ATP10B: variants seen among roughly 807,000 people sequenced by gnomAD.
ATP10B encodes ATPase phospholipid transporting 10B (putative).
Under a neutral mutation model 141.2 loss-of-function variants are expected in ATP10B, and 122 were observed. The observed-to-expected ratio is 0.86, with a 90% CI of 0.75 to 1.00. The LOEUF is 1.00. Ranked by LOEUF, ATP10B falls within the 50% of genes least tolerant of loss-of-function variation. The pLI is 0.00. For synonymous variants in ATP10B, 685 were observed against 692.0 expected (o/e 0.99, Z 0.16); for missense variants, 1,876 against 1,825.3 (o/e 1.03, Z -0.51).
upstream of ATP10B, among the ~76,000 whole-genome samples, chr5:160,856,282 T>G (rs62392648): frequency 0.44 from 66,268 of 151,592 alleles, 16,268 homozygotes; most frequent in Non-Finnish European, 0.54. Context: ...ATATGAGTCC[T>G]GTACACATTT....
chr5:160,730,928 C>T (rs1028408512), intron 2 of ATP10B, among the ~76,000 whole-genome samples: 3 of 152,136 alleles, frequency 2.0e-5, no homozygotes, highest in Admixed American at 6.5e-5. Flanking sequence ...CTGCTGAGGC[C>T]GCTGGAGTTG....
chr5:160,757,271 G>C (rs1243726423), intron 2 of ATP10B, among the ~76,000 whole-genome samples: 1 of 152,118 alleles, frequency 6.6e-6, no homozygotes, highest in Non-Finnish European at 1.5e-5. Flanking sequence ...GGACTCTTCT[G>C]TTCTATTGAT....
At chr5:160,860,987 G>A in the ATP10B span, among the ~76,000 whole-genome samples, 2 of 151,932 alleles carry the variant, frequency 1.3e-5, no homozygotes, top group East Asian at 3.9e-4. Context: ...TATTTGCCTG[G>A]CCTCTGTAGC....
At chr5:160,821,191 A>T (rs1403781111) in intron 1 of ATP10B, among the ~76,000 whole-genome samples, 2 of 152,168 alleles carry the variant, frequency 1.3e-5, no homozygotes, top group Non-Finnish European at 2.9e-5. Context: ...TCAACATACA[A>T]TAATCAGTAG....
intron 13 of ATP10B, among the ~76,000 whole-genome samples, chr5:160,628,231 G>A (rs539257485): frequency 6.6e-6 from 1 of 152,352 alleles, no homozygotes; most frequent in Admixed American, 6.5e-5. Flanking sequence ...AAGCAAGAAG[G>A]GAGTTTTCCA....
chr5:160,724,694 AG>A (rs1484427706), intron 2 of ATP10B, among the ~76,000 whole-genome samples: 1 of 152,122 alleles, frequency 6.6e-6, no homozygotes, highest in African/African-American at 2.4e-5. Context: ...TAGGGCACAC[AG>A]GTCATGTGCC....
At chr5:160,769,950 A>T in intron 2 of ATP10B, among the ~76,000 whole-genome samples, 1 of 152,220 alleles carries the variant, frequency 6.6e-6, no homozygotes, top group Non-Finnish European at 1.5e-5. Context: ...CTAAAGGCTT[A>T]AGAGAACAGC....
intron 3 of ATP10B, among the ~76,000 whole-genome samples, chr5:160,706,577 T>G (rs1765025347): frequency 6.6e-6 from 1 of 152,210 alleles, no homozygotes; most frequent in Admixed American, 6.5e-5. Context: ...TTTACCTCCG[T>G]AGCCTGAGTC....
At chr5:160,630,316 C>A (rs191175668) in intron 13 of ATP10B, among the ~76,000 whole-genome samples, 9 of 152,282 alleles carry the variant, frequency 5.9e-5, no homozygotes, top group Admixed American at 2.0e-4. Flanking sequence ...TAGTGTGTCC[C>A]TCTCACTGGC....
intron 1 of ATP10B, among the ~76,000 whole-genome samples, chr5:160,804,368 C>T (rs1772624776): frequency 6.6e-6 from 1 of 152,118 alleles, no homozygotes; most frequent in Admixed American, 6.5e-5. Context: ...GTGTCTACTT[C>T]TGGGGTGGAA....
At chr5:160,612,971 T>C in intron 17 of ATP10B, 46 bp from the exon 18 acceptor site, 4 of 1,554,566 alleles carry the variant, frequency 2.6e-6, no homozygotes, top group Non-Finnish European at 3.5e-6. Context: ...CGTAAAAGAG[T>C]AGTTGCTTAA....
intron 24 of ATP10B, among the ~76,000 whole-genome samples, chr5:160,587,432 T>C (rs1363258910): frequency 6.6e-6 from 1 of 152,236 alleles, no homozygotes; most frequent in Non-Finnish European, 1.5e-5. Flanking sequence ...TTTGGTTTCA[T>C]ATGAAATTTA....
chr5:160,783,138 C>T (rs1471079272), intron 2 of ATP10B, among the ~76,000 whole-genome samples: 2 of 148,904 alleles, frequency 1.3e-5, no homozygotes, highest in Non-Finnish European at 3.0e-5. Context: ...GTATACGCTG[C>T]ACCATATTTG....
the ATP10B span, among the ~76,000 whole-genome samples, chr5:160,873,123 GT>G: frequency 1.1e-5 from 1 of 91,588 alleles, no homozygotes; most frequent in Admixed American, 1.0e-4. Context: ...GGTTTTTTTT[GT>G]TTTTTTTTTT....
intron 1 of ATP10B, among the ~76,000 whole-genome samples, chr5:160,832,615 C>CTA: frequency 6.6e-6 from 1 of 152,178 alleles, no homozygotes; most frequent in Non-Finnish European, 1.5e-5. Flanking sequence ...ACCTGTGCTT[C>CTA]TAGAATGTAG....
Position 160,698,098 on chromosome 5 carries a change from C to T in ATP10B, c.-204-9155G>A, listed in dbSNP as rs182662782. ...CGGATTTCTCCCTCGAACTTTACAT[C>T]AAAATATCCTACTGCTTATGTGCCA... On this transcript the variant is annotated intron_variant, in intron 3 of 25. Coordinates refer to ENST00000327245, the MANE Select transcript of ATP10B (RefSeq NM_025153.3). Among the ~76,000 whole-genome samples the T allele has an allele frequency of 2.0e-5, 3 of 152,222 alleles. No homozygotes were observed. The East Asian group carries it at 5.8e-4, about 29-fold the overall frequency.
At chr5:160,616,088 T>A (rs1757980905) in intron 16 of ATP10B, 124 bp from the exon 17 acceptor site, 1 of 1,033,116 alleles carries the variant, frequency 9.7e-7, no homozygotes, top group Admixed American at 3.4e-5. Context: ...TAGATGGGGC[T>A]TTCTTCTCAA....
chr5:160,759,198 C>A (rs1056059436), intron 2 of ATP10B, among the ~76,000 whole-genome samples: 1 of 152,166 alleles, frequency 6.6e-6, no homozygotes, highest in Non-Finnish European at 1.5e-5. Context: ...TATTATCTGA[C>A]TTGAATCCAA....
At chr5:160,822,499 C>A (rs1774185230) in intron 1 of ATP10B, among the ~76,000 whole-genome samples, 1 of 151,998 alleles carries the variant, frequency 6.6e-6, no homozygotes, top group Admixed American at 6.6e-5. Context: ...ATGCAGCAAT[C>A]TTTTTCATAG....
Sources: allele counts gnomAD v4.1 joint callset (sites outside exome capture counted in the v4.1 genomes callset), GRCh38; gene constraint gnomAD v4.1.1; transcripts MANE v1.5; gene names NCBI Gene and HGNC (gene_info 2026-07-23, HGNC 2026-07-21).